The following ZNF81 variants were observed in gnomAD, a reference collection of about 807,000 sequenced individuals.
ZNF81 encodes the protein zinc finger protein 81 (HFZ20).
ZNF81 carries 5 observed loss-of-function variants against 32.3 expected under a neutral mutation model. The observed-to-expected ratio is 0.15, with a 90% CI of 0.08 to 0.33. The LOEUF is 0.33. ZNF81 is among the 10% of genes least tolerant of loss of function. The probability of loss-of-function intolerance (pLI) is 1.00; values close to 1 mark genes in which losing one functional copy is unlikely to be tolerated. For missense variants in ZNF81, 379 were observed against 479.8 expected (o/e 0.79, Z 1.96); for synonymous variants, 163 against 166.8 (o/e 0.98, Z 0.17).
chrX:47,914,465 G>A (rs1157976603), intron 4 of ZNF81, among the ~76,000 whole-genome samples: 1 of 111,833 alleles, frequency 8.9e-6, no homozygotes, highest in African/African-American at 3.2e-5. Flanking sequence ...CCTTTTCTAT[G>A]TTTAGATATG....
intron 2 of ZNF81, among the ~76,000 whole-genome samples, chrX:47,855,147 CA>C (rs2058511276): frequency 1.1e-5 from 1 of 88,982 alleles, no homozygotes; most frequent in African/African-American, 3.6e-5. Context: ...AAAATTCTAA[CA>C]ATCAAAAAAA....
At chrX:47,871,415 G>A (rs1556883897) in intron 2 of ZNF81, among the ~76,000 whole-genome samples, 1 of 111,548 alleles carries the variant, frequency 9.0e-6, no homozygotes, top group African/African-American at 3.3e-5. Flanking sequence ...AAACATAAGC[G>A]TTCAAGATTT....
At position 47,917,159 on chromosome X, in the gene ZNF81, C is replaced by T; in HGVS notation, c.*527C>T. On this transcript the variant is annotated 3_prime_UTR_variant, in exon 5 of 5. Coordinates refer to ENST00000338637, the MANE Select transcript of ZNF81 (RefSeq NM_007137.5). Reference sequence around the variant, plus strand: ...TTTTCAAATTTAGAATAATTATGTCCATCAAATGTTTCTTACTGAATATGT... The same window carrying T: ...TTTTCAAATTTAGAATAATTATGTCTATCAAATGTTTCTTACTGAATATGT... 3.4e-6 allele frequency: 1 copy of T among 291,870 alleles called. No individual in the cohort carries two copies. The highest frequency in any genetic ancestry group is 6.0e-6 in the Non-Finnish European group (1 of 166,822). 24.1% of individuals were successfully genotyped at this position (291,870 alleles called of 1,213,427 possible). A position where few individuals can be genotyped will look rare whatever the true frequency, so the allele number is the denominator to read the frequency against.
rs1285738750 is a variant in ZNF81 at position 47,920,293 on chromosome X, CATGTTGTTGCCTCT to C, written c.*3667_*3680del. On this transcript the variant is annotated 3_prime_UTR_variant, in exon 5 of 5. Coordinates refer to ENST00000338637, the MANE Select transcript of ZNF81 (RefSeq NM_007137.5). ...CTGCATCTCAGGGAGGGTCTCTCTCCATGTTGTTGCCTCTATGTTAGTAGTAGACAACTGTTATT... is the reference window on the plus strand; with the variant it reads ...CTGCATCTCAGGGAGGGTCTCTCTCCATGTTAGTAGTAGACAACTGTTATT... The C allele has an allele frequency of 8.9e-6, 1 of 111,761 alleles. No individual in the cohort carries two copies. The highest frequency in any genetic ancestry group is 1.9e-5 in the Non-Finnish European group (1 of 53,172). The allele number at this position is 111,761 out of a possible 1,213,427, so 9.2% of individuals were successfully genotyped here.
chrX:47,838,740 T>C (rs1276015328), intron 1 of ZNF81, among the ~76,000 whole-genome samples: 1 of 111,783 alleles, frequency 8.9e-6, no homozygotes, highest in East Asian at 2.8e-4. Context: ...TCTAAGTTCA[T>C]GGGAAATATT....
At chrX:47,901,787 T>C (rs1556888037) in intron 4 of ZNF81, among the ~76,000 whole-genome samples, 1 of 109,935 alleles carries the variant, frequency 9.1e-6, no homozygotes, top group African/African-American at 3.3e-5. Context: ...CCTTATAATA[T>C]CTTTGATTTT....
intron 3 of ZNF81, among the ~76,000 whole-genome samples, chrX:47,895,127 G>A (rs782648324): frequency 3.9e-4 from 43 of 111,019 alleles, no homozygotes; most frequent in African/African-American, 1.3e-3. Context: ...GACTCTTGTG[G>A]GTAGAATTTT....
At chrX:47,861,113 C>T (rs1448226916) in intron 2 of ZNF81, 1 of 111,957 alleles carries the variant, frequency 8.9e-6, no homozygotes, top group Non-Finnish European at 1.9e-5. Context: ...TTGTGGGAAT[C>T]CCCAATTTAT....
At chrX:47,887,574 A>AC (rs1248512289) in intron 2 of ZNF81, among the ~76,000 whole-genome samples, 1 of 111,933 alleles carries the variant, frequency 8.9e-6, no homozygotes. Flanking sequence ...ATGAGCAATA[A>AC]CAGGGCATCA....
chrX:47,850,073 C>A (rs1358527278), intron 2 of ZNF81, among the ~76,000 whole-genome samples: 2 of 111,608 alleles, frequency 1.8e-5, no homozygotes, highest in African/African-American at 3.3e-5. Context: ...CTTATTCATC[C>A]GTACATATGT....
intron 4 of ZNF81, among the ~76,000 whole-genome samples, chrX:47,908,604 G>A (rs897986186): frequency 4.5e-5 from 5 of 111,930 alleles, no homozygotes; most frequent in African/African-American, 1.6e-4. Flanking sequence ...ACCAGCTTTA[G>A]CGTAATTGCT....
At chrX:47,887,579 G>A (rs1190442836) in intron 2 of ZNF81, among the ~76,000 whole-genome samples, 1 of 111,564 alleles carries the variant, frequency 9.0e-6, no homozygotes, top group Non-Finnish European at 1.9e-5. Flanking sequence ...CAATAACAGG[G>A]CATCAAGAGA....
chrX:47,905,683 T>G (rs1360290709), intron 4 of ZNF81, among the ~76,000 whole-genome samples: 1 of 111,187 alleles, frequency 9.0e-6, no homozygotes, highest in Non-Finnish European at 1.9e-5. Flanking sequence ...GTTGTATATA[T>G]TCACAGGTAA....
chrX:47,850,370 G>T (rs1396254836), intron 2 of ZNF81, among the ~76,000 whole-genome samples: 1 of 102,852 alleles, frequency 9.7e-6, no homozygotes, highest in Non-Finnish European at 2.0e-5. Flanking sequence ...AAAAAAGAAA[G>T]AAAAATTTTA....
At chrX:47,878,482 C>A (rs1316780132) in intron 2 of ZNF81, among the ~76,000 whole-genome samples, 1 of 112,517 alleles carries the variant, frequency 8.9e-6, no homozygotes, top group Non-Finnish European at 1.9e-5. Context: ...CTGTATCAGG[C>A]ATTCCCCTCA....
intron 2 of ZNF81, among the ~76,000 whole-genome samples, chrX:47,874,797 C>T (rs1388334282): frequency 1.2e-4 from 13 of 112,160 alleles, no homozygotes; most frequent in African/African-American, 3.9e-4. Context: ...CATCTTGTCA[C>T]CTGCATATGG....
chrX:47,895,087 A>C (rs936686399), intron 3 of ZNF81, among the ~76,000 whole-genome samples: 7 of 111,406 alleles, frequency 6.3e-5, no homozygotes, highest in Non-Finnish European at 1.1e-4. Flanking sequence ...GCATGTGAGA[A>C]GGAAATGAAT....
intron 3 of ZNF81, among the ~76,000 whole-genome samples, chrX:47,890,297 G>T (rs782146568): frequency 3.1e-4 from 35 of 111,400 alleles, no homozygotes; most frequent in Non-Finnish European, 6.6e-4. Flanking sequence ...CACCCCCACT[G>T]TGGGGCAGAG....
Position 47,895,974 on chromosome X carries a change from G to A in ZNF81, c.277+34G>A, listed in dbSNP as rs782398074. The A allele has an allele frequency of 3.8e-5, 41 of 1,080,124 alleles. No homozygotes were observed. The South Asian group carries it at 5.8e-4, about 15-fold the overall frequency. 89.0% of individuals were successfully genotyped at this position (1,080,124 alleles called of 1,213,427 possible). A position where few individuals can be genotyped will look rare whatever the true frequency, so the allele number is the denominator to read the frequency against. On this transcript the variant is annotated intron_variant, in intron 4 of 4. Transcript: ENST00000338637. ...GTGTGACCCAGGCAGATGGGGACAC[G>A]AAGTAATTTTTTTTTTCCCTAAGGA...
Sources: allele counts gnomAD v4.1 joint callset (sites outside exome capture counted in the v4.1 genomes callset), GRCh38; gene constraint gnomAD v4.1.1; transcripts MANE v1.5; gene names NCBI Gene and HGNC (gene_info 2026-07-23, HGNC 2026-07-21).